The following BRD7 variants were observed in gnomAD, a reference collection of about 807,000 sequenced individuals.
BRD7 encodes the protein bromodomain-containing protein 7.
A neutral mutation model predicts 82.1 loss-of-function variants in BRD7; 15 were observed. The ratio of observed to expected loss-of-function variants is 0.18; its 90% CI spans 0.12 to 0.28. BRD7 has a LOEUF of 0.28. Among genes scored for constraint, BRD7 ranks in the 10% least tolerant of loss-of-function variants. The pLI, the probability that BRD7 is intolerant of heterozygous loss-of-function variation, is 1.00. For synonymous variants in BRD7, 232 were observed against 266.9 expected (o/e 0.87, Z 1.27); for missense variants, 638 against 779.9 (o/e 0.82, Z 2.17).
chr16:50,330,007 C>G (rs978625996), intron 8 of BRD7, among the ~76,000 whole-genome samples: 2 of 152,202 alleles, frequency 1.3e-5, no homozygotes, highest in African/African-American at 4.8e-5. Context: ...AAAGGAATTT[C>G]TGGCAGCTTG....
chr16:50,342,252 C>T (rs1008216675), intron 5 of BRD7, among the ~76,000 whole-genome samples: 7 of 151,928 alleles, frequency 4.6e-5, no homozygotes, highest in African/African-American at 1.2e-4. Flanking sequence ...CTGAAATAAA[C>T]GGTTTTAGCC....
chr16:50,350,430 C>T (rs1363090107), intron 4 of BRD7, among the ~76,000 whole-genome samples: 1 of 152,172 alleles, frequency 6.6e-6, no homozygotes, highest in Non-Finnish European at 1.5e-5. Flanking sequence ...TACACTTATA[C>T]AGGAAAACAT....
At chr16:50,323,146 T>C (rs1377706508) in intron 12 of BRD7, among the ~76,000 whole-genome samples, 1 of 152,368 alleles carries the variant, frequency 6.6e-6, no homozygotes, top group Non-Finnish European at 1.5e-5. Flanking sequence ...GAACTAGAGA[T>C]AGCTTACAAA....
intron 2 of BRD7, among the ~76,000 whole-genome samples, chr16:50,367,450 C>T (rs1017363090): frequency 6.6e-6 from 1 of 152,196 alleles, no homozygotes; most frequent in African/African-American, 2.4e-5. Context: ...TCTCGAACTT[C>T]CAGCCTCAAG....
chr16:50,341,665 A>T (rs2038061100), intron 5 of BRD7, among the ~76,000 whole-genome samples: 1 of 142,376 alleles, frequency 7.0e-6, no homozygotes, highest in Non-Finnish European at 1.5e-5. Flanking sequence ...AAAAAATTAA[A>T]TATGTATTTG....
chr16:50,336,145 T>C (rs1178415881), intron 6 of BRD7, among the ~76,000 whole-genome samples: 2 of 152,188 alleles, frequency 1.3e-5, no homozygotes, highest in Non-Finnish European at 2.9e-5. Flanking sequence ...ATATTTAAAA[T>C]ATTTTAATAA....
At chr16:50,321,031 T>A (rs2037077570) in intron 13 of BRD7, among the ~76,000 whole-genome samples, 1 of 152,248 alleles carries the variant, frequency 6.6e-6, no homozygotes, top group South Asian at 2.1e-4. Flanking sequence ...ACAATTTATA[T>A]CATTTGTTTA....
chr16:50,325,810 C>T lies in BRD7; in HGVS notation c.1269G>A (p.Lys423=), dbSNP rs573979789. The T allele has an allele frequency of 2.5e-6, 4 of 1,612,302 alleles. No individual in the cohort carries two copies. In the African/African-American group the frequency reaches 4.0e-5, roughly 16 times the overall value. The change falls in exon 11 of 17, where the codon AAG becomes AAA. Residue 423 remains lysine, a synonymous_variant. Transcript: ENST00000394688. ...HYDSTFANIS[K]DDSDLIYSTY... The stretch of plus-strand genomic sequence containing the variant: ...TTGAATAGATTAAATCAGAATCATC[C>T]TTGCTGATATTTGCAAATGTGGAGT...
intron 9 of BRD7, among the ~76,000 whole-genome samples, chr16:50,326,608 CT>C (rs1267680719): frequency 2.0e-5 from 3 of 152,188 alleles, no homozygotes; most frequent in African/African-American, 7.2e-5. Context: ...TTACACTCTC[CT>C]GCTTCCTGGA....
intron 12 of BRD7, among the ~76,000 whole-genome samples, chr16:50,323,132 A>C (rs1244361766): frequency 6.6e-6 from 1 of 152,226 alleles, no homozygotes; most frequent in African/African-American, 2.4e-5. Context: ...AACTATCTCC[A>C]ACTGAACTAG....
At chr16:50,357,891 G>A (rs952849005) in intron 2 of BRD7, among the ~76,000 whole-genome samples, 35 of 152,196 alleles carry the variant, frequency 2.3e-4, no homozygotes, top group Non-Finnish European at 4.7e-4. Flanking sequence ...TGAGGCAGGA[G>A]AATCGCTTGA....
At chr16:50,326,010 T>A in intron 10 of BRD7, 127 bp from the exon 11 acceptor site, 1 of 1,022,784 alleles carries the variant, frequency 9.8e-7, no homozygotes, top group Non-Finnish European at 1.4e-6. Flanking sequence ...AAATCTAAGA[T>A]ATTTTCTCTC....
chr16:50,334,590 AACACCACCACC>A (rs2037712155), intron 7 of BRD7, 110 bp downstream of exon 7: 1 of 1,205,856 alleles, frequency 8.3e-7, no homozygotes, highest in Non-Finnish European at 1.2e-6. Flanking sequence ...TTCATGCCAA[AACACCACCACC>A]ACCGACACAC....
rs966810869 is a variant in BRD7 at position 50,317,531 on chromosome 16, A to G, written c.*1680T>C. The G allele has an allele frequency of 6.6e-6, 1 of 152,380 alleles. No homozygotes were observed. The highest frequency in any genetic ancestry group is 1.5e-5 in the Non-Finnish European group (1 of 68,048). 9.4% of individuals were successfully genotyped at this position (152,380 alleles called of 1,614,324 possible). On this transcript the variant is annotated 3_prime_UTR_variant, in exon 17 of 17. Transcript: ENST00000394688. Reference sequence around the variant, plus strand: ...TTTCTTCAGTAACAACAGAAACCCCAGTTGGGAGTTTAACAAATAACTGAC... The same window carrying G: ...TTTCTTCAGTAACAACAGAAACCCCGGTTGGGAGTTTAACAAATAACTGAC...
Position 50,353,238 on chromosome 16 carries a change from A to AT in BRD7, c.446+1186dup, listed in dbSNP as rs542414274. Among the ~76,000 whole-genome samples the AT allele has an allele frequency of 2.1e-4, 32 of 151,654 alleles. No homozygotes were observed. In the East Asian group the frequency reaches 2.5e-3, roughly 12 times the overall value. On this transcript the variant is annotated intron_variant, in intron 4 of 16. Coordinates refer to ENST00000394688, the MANE Select transcript of BRD7 (RefSeq NM_013263.5). ...GTGCAACCACACTAGGATAATTTTTATTTTTTTGTAGAGATGGGGTCTCAC... is the reference window on the plus strand; with the variant it reads ...GTGCAACCACACTAGGATAATTTTTATTTTTTTTGTAGAGATGGGGTCTCAC...
intron 13 of BRD7, 56 bp from the exon 14 acceptor site, chr16:50,320,830 T>A: frequency 1.7e-6 from 2 of 1,185,836 alleles, no homozygotes; most frequent in Non-Finnish European, 1.3e-6. Context: ...ACAGCAGTGT[T>A]AACTAGAAAT....
At chr16:50,341,136 T>C (rs2038030263) in intron 5 of BRD7, among the ~76,000 whole-genome samples, 1 of 149,594 alleles carries the variant, frequency 6.7e-6, no homozygotes, top group Non-Finnish European at 1.5e-5. Flanking sequence ...AGGTCTTGGA[T>C]CTCTAAGCAT....
chr16:50,327,063 G>A (rs1567602190), intron 9 of BRD7, among the ~76,000 whole-genome samples: 1 of 152,238 alleles, frequency 6.6e-6, no homozygotes, highest in Non-Finnish European at 1.5e-5. Context: ...TCAGTGACCA[G>A]TGTGGTGAAG....
Position 50,365,832 on chromosome 16 carries a change from G to T in BRD7, c.258+2258C>A, listed in dbSNP as rs200249712. Among the ~76,000 whole-genome samples, 7 of 152,096 alleles carry T rather than the reference G, an allele frequency of 4.6e-5. No individual in the cohort carries two copies. The East Asian group carries it at 1.4e-3, about 29-fold the overall frequency. ...TAAGAAAATTAGAGGATCAGTTCAG[G>T]AGTCTAATATCTAAAGGGCAGGAGT... is the stretch of plus-strand genomic sequence containing the variant. On this transcript the variant is annotated intron_variant, in intron 2 of 16. Transcript: ENST00000394688.
Sources: gnomAD v4.1 joint callset for allele counts (sites outside exome capture counted in the v4.1 genomes callset) on GRCh38, gnomAD v4.1.1 for gene constraint, MANE v1.5 for transcripts, NCBI Gene and HGNC (gene_info 2026-07-23, HGNC 2026-07-21) for gene names.